The following PPP3CC variants were observed in gnomAD, a reference collection of about 807,000 sequenced individuals.
The protein encoded by PPP3CC is serine/threonine-protein phosphatase 2B catalytic subunit gamma isoform.
In PPP3CC, 35 loss-of-function variants were observed where a neutral mutation model predicts 60.3. The observed-to-expected ratio is 0.58, with a 90% CI of 0.44 to 0.77. PPP3CC has a LOEUF of 0.77. Ranked by LOEUF, PPP3CC falls within the 30% of genes least tolerant of loss-of-function variation. The pLI, the probability that PPP3CC is intolerant of heterozygous loss-of-function variation, is 0.00. For synonymous variants in PPP3CC, 206 were observed against 224.3 expected (o/e 0.92, Z 0.73); for missense variants, 570 against 628.9 (o/e 0.91, Z 1.00).
chr8:22,504,380 C>T (rs1838850406), intron 4 of PPP3CC, among the ~76,000 whole-genome samples: 1 of 152,120 alleles, frequency 6.6e-6, no homozygotes, highest in Admixed American at 6.5e-5. Flanking sequence ...TAGCTCACTG[C>T]AACTTTGAAC....
In PPP3CC at chr8:22,501,158, TCAA is replaced by T. The variant is rs567497190; in HGVS notation, c.484+3068_484+3070del. 4.0e-4 allele frequency among the ~76,000 whole-genome samples: 61 copies of T among 151,912 alleles called. 3 individuals carry two copies. The highest frequency in any genetic ancestry group is 3.4e-3 in the Middle Eastern group (1 of 294). On this transcript the variant is annotated intron_variant, in intron 4 of 13. Transcript: ENST00000240139. ...CTGGGAGACATAGTGAGACCCTGTC[TCAA>T]CAACAACAACAACAACAACAAAGAT...
intron 3 of PPP3CC, among the ~76,000 whole-genome samples, chr8:22,478,538 T>C (rs1031782808): frequency 1.3e-5 from 2 of 152,228 alleles, no homozygotes; most frequent in African/African-American, 2.4e-5. Context: ...TAGTTTTAAT[T>C]CATTAATACA....
At chr8:22,497,112 C>T (rs1838612201) in intron 3 of PPP3CC, among the ~76,000 whole-genome samples, 1 of 152,164 alleles carries the variant, frequency 6.6e-6, no homozygotes, top group Non-Finnish European at 1.5e-5. Context: ...TTATGGCAAC[C>T]TCCGCTTCCC....
chr8:22,493,927 G>A (rs1838484831), intron 3 of PPP3CC, among the ~76,000 whole-genome samples: 1 of 152,144 alleles, frequency 6.6e-6, no homozygotes, highest in South Asian at 2.1e-4. Context: ...GACTGGCAGT[G>A]CAGTAGGTTT....
At chr8:22,447,140 A>C (rs1563664832) in intron 1 of PPP3CC, among the ~76,000 whole-genome samples, 1 of 148,822 alleles carries the variant, frequency 6.7e-6, no homozygotes, top group Admixed American at 6.7e-5. Context: ...AGTAGTTGGA[A>C]CCACAGGCAT....
At chr8:22,452,885 C>T (rs549246222) in intron 1 of PPP3CC, among the ~76,000 whole-genome samples, 8 of 152,312 alleles carry the variant, frequency 5.3e-5, no homozygotes, top group South Asian at 2.1e-4. Context: ...CTTTGCAAAT[C>T]GCTTTAAATA....
intron 1 of PPP3CC, among the ~76,000 whole-genome samples, chr8:22,470,061 C>T (rs200613437): frequency 4.1e-3 from 501 of 121,756 alleles, no homozygotes; most frequent in Non-Finnish European, 6.6e-3. Flanking sequence ...TATATATATA[C>T]ACACACACAC....
intron 1 of PPP3CC, among the ~76,000 whole-genome samples, chr8:22,463,799 T>C (rs1837433498): frequency 6.6e-6 from 1 of 151,968 alleles, no homozygotes; most frequent in African/African-American, 2.4e-5. Context: ...CTTTTTTTTT[T>C]TTTTGAGACG....
chr8:22,471,726 G>A (rs889056516), intron 1 of PPP3CC, among the ~76,000 whole-genome samples: 12 of 152,118 alleles, frequency 7.9e-5, no homozygotes, highest in South Asian at 6.2e-4. Flanking sequence ...TGGGTGAGTC[G>A]GAGGTGAATG....
intron 6 of PPP3CC, among the ~76,000 whole-genome samples, chr8:22,521,254 G>A (rs929051662): frequency 6.6e-6 from 1 of 152,184 alleles, no homozygotes; most frequent in Non-Finnish European, 1.5e-5. Flanking sequence ...ACTTCCTCTT[G>A]GCCACAGTAG....
Position 22,529,068 on chromosome 8 carries a change from T to C in PPP3CC, c.1141+491T>C, listed in dbSNP as rs144222240. 1.1e-4 allele frequency among the ~76,000 whole-genome samples: 16 copies of C among 152,356 alleles called. No homozygotes were observed. The East Asian group carries it at 1.7e-3, about 16-fold the overall frequency. ...TTGATATATACCAAGTACTGTATTG[T>C]TTAGGTCCTTGCTCTCAATAAGCTT... On this transcript the variant is annotated intron_variant, in intron 10 of 13. Transcript: ENST00000240139.
intron 1 of PPP3CC, among the ~76,000 whole-genome samples, chr8:22,461,929 G>A (rs1241691703): frequency 4.6e-5 from 7 of 152,122 alleles, no homozygotes; most frequent in African/African-American, 1.7e-4. Flanking sequence ...GGGTATGAGT[G>A]AGCTGATATT....
At chr8:22,498,557 AGG>A (rs1838659147) in intron 4 of PPP3CC, among the ~76,000 whole-genome samples, 1 of 152,246 alleles carries the variant, frequency 6.6e-6, no homozygotes, top group Non-Finnish European at 1.5e-5. Context: ...GAAATAGTTC[AGG>A]TATACATATA....
At chr8:22,523,185 G>A (rs1339279146) in intron 8 of PPP3CC, among the ~76,000 whole-genome samples, 1 of 151,870 alleles carries the variant, frequency 6.6e-6, no homozygotes, top group Non-Finnish European at 1.5e-5. Context: ...GTGACCTAGT[G>A]TACAAAGTCA....
intron 8 of PPP3CC, among the ~76,000 whole-genome samples, chr8:22,526,415 G>A (rs1175280753): frequency 1.3e-5 from 2 of 152,088 alleles, no homozygotes; most frequent in Non-Finnish European, 2.9e-5. Context: ...ATACATACAC[G>A]TGAAAATAAT....
chr8:22,466,933 T>TG lies in PPP3CC; in HGVS notation c.50-8016dup, dbSNP rs531641604. 5.8e-3 allele frequency among the ~76,000 whole-genome samples: 887 copies of TG among 152,108 alleles called. 2 individuals are homozygous for TG. Among genetic ancestry groups the TG allele is most frequent in the Non-Finnish European group, 8.9e-3 (604 of 67,958 alleles). On this transcript the variant is annotated intron_variant, in intron 1 of 13. Transcript: ENST00000240139. The stretch of plus-strand genomic sequence containing the variant: ...ATTTAAAAAAAAAATTTTGTAGAGA[T>TG]GGGGGTCTCACCATGCTGCCCAGGC...
chr8:22,487,721 A>G (rs1291915826), intron 3 of PPP3CC, among the ~76,000 whole-genome samples: 6 of 152,228 alleles, frequency 3.9e-5, no homozygotes, highest in Non-Finnish European at 8.8e-5. Flanking sequence ...AGAAAAGAAA[A>G]GATTAAAGGG....
At chr8:22,495,186 C>T (rs750827572) in intron 3 of PPP3CC, among the ~76,000 whole-genome samples, 2 of 152,074 alleles carry the variant, frequency 1.3e-5, no homozygotes, top group Non-Finnish European at 2.9e-5. Flanking sequence ...TGGTCTCAAG[C>T]GATCCTCCTG....
At position 22,513,449 on chromosome 8, in the gene PPP3CC, G is replaced by C; in HGVS notation, c.770+17G>C. 1 of 1,559,456 alleles carries C rather than the reference G, an allele frequency of 6.4e-7. No homozygotes were observed. Among genetic ancestry groups the C allele is most frequent in the Non-Finnish European group, 8.6e-7 (1 of 1,158,384 alleles). On this transcript the variant is annotated intron_variant, in intron 6 of 13. Transcript: ENST00000240139. ...TTTCTACAGGTAAGCTAGTCCTTGA[G>C]GTCGAAAATTATGAAAGGAAACTGT...
Sources: gnomAD v4.1 joint callset for allele counts (sites outside exome capture counted in the v4.1 genomes callset) on GRCh38, gnomAD v4.1.1 for gene constraint, MANE v1.5 for transcripts, NCBI Gene and HGNC (gene_info 2026-07-23, HGNC 2026-07-21) for gene names.